The following TMEM79 variants were observed in gnomAD, a reference collection of about 807,000 sequenced individuals.
TMEM79 encodes transmembrane protein 79.
In TMEM79, 30 loss-of-function variants were observed where a neutral mutation model predicts 31.2. The ratio of observed to expected loss-of-function variants is 0.96; its 90% CI spans 0.72 to 1.30. TMEM79 has a LOEUF of 1.30. Among genes scored for constraint, TMEM79 ranks in the 50% most tolerant of loss-of-function variants. The probability of loss-of-function intolerance (pLI) is 0.00; values close to 1 mark genes in which losing one functional copy is unlikely to be tolerated. For missense variants in TMEM79, 509 were observed against 528.2 expected (o/e 0.96, Z 0.36); for synonymous variants, 213 against 229.5 (o/e 0.93, Z 0.65).
intron 3 of TMEM79, among the ~76,000 whole-genome samples, chr1:156,289,829 G>A (rs538377440): frequency 3.3e-5 from 5 of 152,290 alleles, no homozygotes; most frequent in African/African-American, 4.8e-5. Context: ...TCCATTGAGG[G>A]GTGTGTATTG....
chr1:156,291,926 G>A lies in TMEM79; in HGVS notation c.*328G>A. The A allele has an allele frequency of 1.8e-6, 1 of 560,854 alleles. No individual in the cohort carries two copies. Among genetic ancestry groups the A allele is most frequent in the Non-Finnish European group, 3.2e-6 (1 of 314,608 alleles). 34.7% of individuals were successfully genotyped at this position (560,854 alleles called of 1,614,324 possible). On this transcript the variant is annotated 3_prime_UTR_variant, in exon 4 of 4. Transcript: ENST00000405535. ...CCTTCCTGAGCAGCCTCTCACCACT[G>A]CCACAAGGCTCCCTAATGCTGGTCT...
chr1:156,286,803 C>T (rs1439302459), intron 3 of TMEM79, among the ~76,000 whole-genome samples: 1 of 152,192 alleles, frequency 6.6e-6, no homozygotes, highest in Non-Finnish European at 1.5e-5. Context: ...ACCAAATGTA[C>T]AACTTAAAAA....
intron 3 of TMEM79, among the ~76,000 whole-genome samples, chr1:156,287,779 G>A (rs1663211180): frequency 6.6e-6 from 1 of 151,904 alleles, no homozygotes; most frequent in Admixed American, 6.5e-5. Context: ...ACCAGGCCCA[G>A]CTAACTTTTT....
rs753377496 is a variant in TMEM79 at position 156,285,220 on chromosome 1, C to G, written c.-7C>G. 1.3e-6 allele frequency: 2 copies of G among 1,524,944 alleles called. No individual in the cohort carries two copies. Among genetic ancestry groups the G allele is most frequent in the Non-Finnish European group, 1.8e-6 (2 of 1,139,930 alleles). The allele number at this position is 1,524,944 out of a possible 1,614,324, so 94.5% of individuals were successfully genotyped here. On this transcript the variant is annotated 5_prime_UTR_variant, in exon 2 of 4. Coordinates refer to ENST00000405535, the MANE Select transcript of TMEM79 (RefSeq NM_032323.3). Reference sequence around the variant, plus strand: ...CTTGTGGTAGATCCCAGAACTGAGGCCCCAGGATGACAGAACAGGAGACCC... The same window carrying G: ...CTTGTGGTAGATCCCAGAACTGAGGGCCCAGGATGACAGAACAGGAGACCC...
intron 3 of TMEM79, 79 bp from the exon 4 acceptor site, chr1:156,291,306 T>A: frequency 7.5e-7 from 1 of 1,342,136 alleles, no homozygotes. Context: ...CCCTATCTAC[T>A]CCCCCCACCG....
In TMEM79 at chr1:156,285,220, C is replaced by T; in HGVS notation, c.-7C>T. On this transcript the variant is annotated 5_prime_UTR_variant, in exon 2 of 4. Coordinates refer to ENST00000405535, the MANE Select transcript of TMEM79 (RefSeq NM_032323.3). ...CTTGTGGTAGATCCCAGAACTGAGG[C>T]CCCAGGATGACAGAACAGGAGACCC... is the stretch of plus-strand genomic sequence containing the variant. 1.3e-6 allele frequency: 2 copies of T among 1,525,062 alleles called. No homozygotes were observed. The highest frequency in any genetic ancestry group is 1.8e-6 in the Non-Finnish European group (2 of 1,139,922). The allele number at this position is 1,525,062 out of a possible 1,614,324, so 94.5% of individuals were successfully genotyped here. A position where few individuals can be genotyped will look rare whatever the true frequency, so the allele number is the denominator to read the frequency against.
At position 156,285,620 on chromosome 1, in the gene TMEM79, A is replaced by G. The variant is rs770270161; in HGVS notation, c.394A>G (p.Ile132Val). ...GAAAGCGGCCCGTGCCTTCGTGCCT[A>G]TTGACCTACAGTGCATTGAGCGGCA... ...PEKAARAFVP[I>V]DLQCIERQPQ... is the part of the protein sequence containing the mutation. The change falls in exon 2 of 4, where the codon ATT becomes GTT. Residue 132 changes from isoleucine to valine, a missense_variant. Coordinates refer to ENST00000405535, the MANE Select transcript of TMEM79 (RefSeq NM_032323.3). 8 of 1,614,050 alleles carry G rather than the reference A, an allele frequency of 5.0e-6. No individual in the cohort carries two copies. Among genetic ancestry groups the G allele is most frequent in the Middle Eastern group, 1.6e-4 (1 of 6,084 alleles).
rs151034067 is a variant in TMEM79, at chr1:156,291,507, C to T, written c.1094C>T (p.Pro365Leu). 2.5e-4 allele frequency: 402 copies of T among 1,611,482 alleles called. No individual in the cohort carries two copies. Among genetic ancestry groups the T allele is most frequent in the Non-Finnish European group, 3.3e-4 (391 of 1,179,914 alleles). Residue 365 changes from proline (P) to leucine (L), a missense_variant, in exon 4 of 4, where the codon CCG (proline) becomes CTG (leucine). Coordinates refer to ENST00000405535, the MANE Select transcript of TMEM79 (RefSeq NM_032323.3). ...WNLYYMFVVE[P>L]ERMLTATESR... ...CTCTACTACATGTTCGTGGTGGAGCCGGAGCGCATGCTCACTGCCACCGAG... is the reference window on the plus strand; with the variant it reads ...CTCTACTACATGTTCGTGGTGGAGCTGGAGCGCATGCTCACTGCCACCGAG...
intron 1 of TMEM79, 56 bp from the exon 2 acceptor site, chr1:156,285,128 G>A (rs1663112923): frequency 6.9e-7 from 1 of 1,449,642 alleles, no homozygotes; most frequent in South Asian, 1.5e-5. Context: ...CTGTCAACCT[G>A]TCCTAATAAC....
chr1:156,291,356 G>A (rs750585348), intron 3 of TMEM79, 29 bp from the exon 4 acceptor site: 19 of 1,608,270 alleles, frequency 1.2e-5, no homozygotes, highest in Non-Finnish European at 1.6e-5. Context: ...TCCCTCGAGA[G>A]TAGCCTGACC....
intron 1 of TMEM79, 147 bp downstream of exon 1, chr1:156,284,553 CA>C (rs1375373424): frequency 6.6e-6 from 1 of 152,620 alleles, no homozygotes; most frequent in East Asian, 1.9e-4. Flanking sequence ...CAGCCATGAT[CA>C]GACCTAAATA....
In TMEM79 at chr1:156,285,940, C is replaced by T. The variant is rs748217553; in HGVS notation, c.714C>T (p.Tyr238=). 6.2e-7 allele frequency: 1 copy of T among 1,612,964 alleles called. No individual in the cohort carries two copies. The highest frequency in any genetic ancestry group is 1.1e-5 in the South Asian group (1 of 90,962). The change falls in exon 2 of 4, where the codon TAC becomes TAT. Residue 238 remains tyrosine, a synonymous_variant. Coordinates refer to ENST00000405535, the MANE Select transcript of TMEM79 (RefSeq NM_032323.3). ...RLPTMSSRLI[Y]TLRCGVFATF... is the part of the protein sequence containing the mutation. The stretch of plus-strand genomic sequence containing the variant: ...CCACCATGAGTTCCCGCCTGATCTA[C>T]ACACTGCGCTGCGGGGTCTTTGCCA...
At chr1:156,287,639 T>G (rs1451915989) in intron 3 of TMEM79, among the ~76,000 whole-genome samples, 2 of 136,896 alleles carry the variant, frequency 1.5e-5, no homozygotes, top group Non-Finnish European at 3.1e-5. Flanking sequence ...TTTGAGACAG[T>G]GTTTCACTCT....
In TMEM79 at chr1:156,292,214, C is replaced by G. The variant is rs1219999087; in HGVS notation, c.*616C>G. 1 of 154,128 alleles carries G rather than the reference C, an allele frequency of 6.5e-6. No individual in the cohort carries two copies. Among genetic ancestry groups the G allele is most frequent in the African/African-American group, 2.4e-5 (1 of 41,458 alleles). The allele number at this position is 154,128 out of a possible 1,614,324, so 9.5% of individuals were successfully genotyped here. On this transcript the variant is annotated 3_prime_UTR_variant, in exon 4 of 4. Transcript: ENST00000405535. ...CTGCTGCTCTTTTACCTTTTTAGGC[C>G]CCTGTAACTTCCCACCTTTAAACTG...
chr1:156,291,230 T>C (rs2101595316), intron 3 of TMEM79, 155 bp from the exon 4 acceptor site: 1 of 630,840 alleles, frequency 1.6e-6, no homozygotes, highest in Non-Finnish European at 2.8e-6. Context: ...GCCTAATACA[T>C]GTTAAGTGCA....
Position 156,285,858 on chromosome 1 carries a change from T to C in TMEM79, c.632T>C (p.Phe211Ser), listed in dbSNP as rs777753590. Residue 211 changes from phenylalanine to serine, a missense_variant, in exon 2 of 4, where the codon TTC becomes TCC. Physicochemically the swap from Phe to Ser is radical, Grantham distance 155. Coordinates refer to ENST00000405535, the MANE Select transcript of TMEM79 (RefSeq NM_032323.3). ...VASVGAALILFPCLLYGAYAF... is the reference protein window; with the variant it reads ...VASVGAALILSPCLLYGAYAF... The stretch of plus-strand genomic sequence containing the variant: ...TCCGTGGGAGCCGCACTCATTCTCT[T>C]CCCTTGCCTACTATACGGGGCATAT... 2.5e-6 allele frequency: 4 copies of C among 1,613,650 alleles called. No individual in the cohort carries two copies. Among genetic ancestry groups the C allele is most frequent in the Middle Eastern group, 1.6e-4 (1 of 6,084 alleles).
intron 3 of TMEM79, among the ~76,000 whole-genome samples, chr1:156,287,250 A>G (rs1663193302): frequency 6.6e-6 from 1 of 152,000 alleles, no homozygotes; most frequent in African/African-American, 2.4e-5. Context: ...CCCCAGGTCT[A>G]CTAAAAATAC....
In TMEM79 at chr1:156,291,575, T is replaced by TA; in HGVS notation, c.1163dup (p.Tyr388Ter). The change falls in exon 4 of 4, where the codon TAC becomes TAAC. Residue 388 changes from tyrosine to a stop codon, truncating the protein, a stop_gained and frameshift_variant. Coordinates refer to ENST00000405535, the MANE Select transcript of TMEM79 (RefSeq NM_032323.3). LOFTEE classifies it high-confidence loss of function. ...GGACCACGCCCGCTCGGCCTCCGAC[T>TA]ACAGGCCCCGCCCCTGGGGCTGAGC... ...YPDHARSASD[Y>*]RPRPWG is the part of the protein sequence containing the mutation. The TA allele has an allele frequency of 1.2e-6, 2 of 1,611,176 alleles. No individual in the cohort carries two copies. The highest frequency in any genetic ancestry group is 1.7e-6 in the Non-Finnish European group (2 of 1,179,922).
chr1:156,287,865 G>C (rs1029199651), intron 3 of TMEM79, among the ~76,000 whole-genome samples: 1 of 151,780 alleles, frequency 6.6e-6, no homozygotes. Context: ...TGATCTGCCC[G>C]CCTCAGCCTC....
Sources: allele counts gnomAD v4.1 joint callset (sites outside exome capture counted in the v4.1 genomes callset), GRCh38; gene constraint gnomAD v4.1.1; transcripts MANE v1.5; gene names NCBI Gene and HGNC (gene_info 2026-07-23, HGNC 2026-07-21).